The following THADA variants were observed in gnomAD, a reference collection of about 807,000 sequenced individuals.
The protein encoded by THADA is tRNA (32-2'-O)-methyltransferase regulator THADA.
THADA carries 213 observed loss-of-function variants against 219.8 expected under a neutral mutation model. The ratio of observed to expected loss-of-function variants is 0.97; its 90% confidence interval spans 0.87 to 1.09. THADA has a LOEUF of 1.09. Ranked by LOEUF, THADA falls within the 50% of genes least tolerant of loss-of-function variation. The pLI is 0.00. For missense variants in THADA, 2,956 were observed against 2,311.3 expected (o/e 1.28, Z -5.72); for synonymous variants, 1,018 against 828.9 (o/e 1.23, Z -3.92).
At chr2:43,262,472 C>T (rs566607829) in intron 36 of THADA, among the ~76,000 whole-genome samples, 3 of 152,266 alleles carry the variant, frequency 2.0e-5, no homozygotes, top group Admixed American at 6.5e-5. Flanking sequence ...GCCAATCAGT[C>T]TGGACTCACT....
intron 30 of THADA, among the ~76,000 whole-genome samples, chr2:43,342,792 T>C (rs777632059): frequency 4.6e-5 from 7 of 152,210 alleles, no homozygotes; most frequent in Non-Finnish European, 1.0e-4. Flanking sequence ...TGTATCCCTA[T>C]ATCTCCTAAC....
chr2:43,523,251 A>G (rs969087463), intron 22 of THADA, among the ~76,000 whole-genome samples: 1 of 152,034 alleles, frequency 6.6e-6, no homozygotes, highest in African/African-American at 2.4e-5. Flanking sequence ...CGTAAGTCCT[A>G]GCTACTTGGG....
rs397729303 is a variant in THADA at position 43,510,660 on chromosome 2, T to TAA, written c.3375-1882_3375-1881dup. ...GCCTTCTTTTGTTCCTTCTTCACTGTAAAAAAAAAAAAAAAAAAAAATTGG... is the reference window on the plus strand; with the variant it reads ...GCCTTCTTTTGTTCCTTCTTCACTGTAAAAAAAAAAAAAAAAAAAAAAATTGG... On this transcript the variant is annotated intron_variant, in intron 22 of 37. Coordinates refer to ENST00000405975, the MANE Select transcript of THADA (RefSeq NM_022065.5). Among the ~76,000 whole-genome samples the TAA allele has an allele frequency of 1.7e-3, 205 of 122,364 alleles. 1 individual carries two copies. The highest frequency in any genetic ancestry group is 1.9e-3 in the African/African-American group (62 of 32,346). 80.3% of individuals were successfully genotyped at this position (122,364 alleles called of 152,430 possible).
chr2:43,295,921 T>TTC (rs1675316498), intron 31 of THADA, among the ~76,000 whole-genome samples: 1 of 137,536 alleles, frequency 7.3e-6, no homozygotes, highest in Non-Finnish European at 1.5e-5. Flanking sequence ...CTCTACTGTT[T>TTC]TTTTTTTTTT....
At chr2:43,517,572 T>C (rs1015683223) in intron 22 of THADA, among the ~76,000 whole-genome samples, 2 of 152,128 alleles carry the variant, frequency 1.3e-5, no homozygotes, top group Non-Finnish European at 2.9e-5. Context: ...TAGAAAGGAA[T>C]AGTATACTTT....
chr2:43,301,369 CA>C (rs1676246564), intron 31 of THADA, among the ~76,000 whole-genome samples: 1 of 152,246 alleles, frequency 6.6e-6, no homozygotes, highest in African/African-American at 2.4e-5. Context: ...TCCTGGCAGG[CA>C]GGCCAGCCAC....
chr2:43,304,043 G>A (rs977516367), intron 31 of THADA, among the ~76,000 whole-genome samples: 9 of 152,272 alleles, frequency 5.9e-5, no homozygotes, highest in African/African-American at 1.9e-4. Context: ...CTGAATGTGT[G>A]TAATTCTAGT....
intron 36 of THADA, among the ~76,000 whole-genome samples, chr2:43,252,180 C>T (rs977036113): frequency 6.6e-6 from 1 of 152,162 alleles, no homozygotes; most frequent in African/African-American, 2.4e-5. Flanking sequence ...ATAAAGATGT[C>T]CCTCCCAGTA....
At chr2:43,480,469 A>G (rs554284061) in intron 26 of THADA, among the ~76,000 whole-genome samples, 1 of 152,230 alleles carries the variant, frequency 6.6e-6, no homozygotes, top group East Asian at 1.9e-4. Flanking sequence ...GCCCAGAGTA[A>G]AAACATAATA....
chr2:43,551,238 A>G (rs1696705409), intron 19 of THADA, among the ~76,000 whole-genome samples: 1 of 152,208 alleles, frequency 6.6e-6, no homozygotes, highest in South Asian at 2.1e-4. Flanking sequence ...AACACCAAAC[A>G]TAAATATATT....
chr2:43,543,160 T>C (rs1695551157), intron 20 of THADA, among the ~76,000 whole-genome samples: 1 of 149,722 alleles, frequency 6.7e-6, no homozygotes, highest in Non-Finnish European at 1.5e-5. Context: ...TTACTGAGAA[T>C]GATGATTTCC....
intron 18 of THADA, 78 bp from the exon 19 acceptor site, chr2:43,552,003 G>T: frequency 6.4e-7 from 1 of 1,568,872 alleles, no homozygotes; most frequent in South Asian, 1.2e-5. Context: ...TAAAAGGATT[G>T]ACTTTGTGTT....
At chr2:43,409,930 T>C (rs1676066537) in intron 28 of THADA, among the ~76,000 whole-genome samples, 2 of 151,598 alleles carry the variant, frequency 1.3e-5, no homozygotes, top group Non-Finnish European at 2.9e-5. Flanking sequence ...GGTAGGAGGA[T>C]TGCTTGAGCC....
At position 43,570,586 on chromosome 2, in the gene THADA, T is replaced by C. The variant is rs946868579; in HGVS notation, c.2065-76A>G. 1.2e-5 allele frequency: 18 copies of C among 1,477,460 alleles called. No homozygotes were observed. The African/African-American group carries it at 2.4e-4, about 20-fold the overall frequency. The allele number at this position is 1,477,460 out of a possible 1,614,324, so 91.5% of individuals were successfully genotyped here. A position where few individuals can be genotyped will look rare whatever the true frequency, so the allele number is the denominator to read the frequency against. On this transcript the variant is annotated intron_variant, in intron 13 of 37. Transcript: ENST00000405975. ...ATGTCAGCCTGAGAGGCAAATTATT[T>C]AGAATAAAACTTCAGGCAAGAAGAG...
chr2:43,293,819 TG>T (rs1378628582), intron 31 of THADA, among the ~76,000 whole-genome samples: 2 of 152,206 alleles, frequency 1.3e-5, no homozygotes, highest in Non-Finnish European at 2.9e-5. Flanking sequence ...CCTCAAATGA[TG>T]GGGTCACTGT....
chr2:43,556,511 G>C lies in THADA; in HGVS notation c.2508C>G (p.Leu836=), dbSNP rs766462075. The change falls in exon 17 of 38, where the codon CTC becomes CTG. Residue 836 remains leucine, a synonymous_variant. Coordinates refer to ENST00000405975, the MANE Select transcript of THADA (RefSeq NM_022065.5). The stretch of plus-strand genomic sequence containing the variant: ...AGTCGTATGGTTTGGTGCTTGTGCT[G>C]AGCTCCAATGCTGCCTGAAATAAGC... ...LQGLFQAALE[L]STSTKPYDCV... 3 of 1,613,736 alleles carry C rather than the reference G, an allele frequency of 1.9e-6. No individual in the cohort carries two copies. Among genetic ancestry groups the C allele is most frequent in the Non-Finnish European group, 2.5e-6 (3 of 1,179,828 alleles).
chr2:43,502,847 AAAC>A (rs1011036818), intron 24 of THADA, among the ~76,000 whole-genome samples: 1 of 152,198 alleles, frequency 6.6e-6, no homozygotes, highest in Admixed American at 6.5e-5. Flanking sequence ...AATATTTTTG[AAAC>A]AACAATAAAA....
chr2:43,248,162 TATAGAGAGAGAGAGAGAGAGAGAGAG>T (rs1669410788), intron 36 of THADA, among the ~76,000 whole-genome samples: 7 of 44,400 alleles, frequency 1.6e-4, no homozygotes, highest in African/African-American at 3.9e-4. Flanking sequence ...TATATATATA[TATAGAGAGAGAGAGAGAGAGAGAGAG>T]AGAGAGAGAG....
At chr2:43,351,632 G>A (rs1201623219) in intron 29 of THADA, among the ~76,000 whole-genome samples, 2 of 152,076 alleles carry the variant, frequency 1.3e-5, no homozygotes, top group African/African-American at 2.4e-5. Context: ...CTAGAGTATA[G>A]AGCTCTTTAT....
Sources: gnomAD v4.1 joint callset for allele counts (sites outside exome capture counted in the v4.1 genomes callset) on GRCh38, gnomAD v4.1.1 for gene constraint, MANE v1.5 for transcripts, NCBI Gene and HGNC (gene_info 2026-07-23, HGNC 2026-07-21) for gene names.